SEMA5A: variants seen among roughly 807,000 people sequenced by gnomAD.
SEMA5A encodes semaphorin 5A, also known as semaphorin-5A.
A neutral mutation model predicts 135.5 loss-of-function variants in SEMA5A; 55 were observed. The ratio of observed to expected loss-of-function variants is 0.41; its 90% CI spans 0.33 to 0.51. SEMA5A has a LOEUF of 0.51. Ranked by LOEUF, SEMA5A falls within the 20% of genes least tolerant of loss-of-function variation. SEMA5A has a pLI of 0.37. For synonymous variants in SEMA5A, 580 were observed against 546.5 expected (o/e 1.06, Z -0.85); for missense variants, 1,290 against 1,419.9 (o/e 0.91, Z 1.47).
chr5:9,075,851 C>G (rs1339456175), intron 16 of SEMA5A, among the ~76,000 whole-genome samples: 1 of 152,098 alleles, frequency 6.6e-6, no homozygotes, highest in East Asian at 1.9e-4. Context: ...AGGTACAAAA[C>G]TGTATGGTCT....
chr5:9,257,654 A>G (rs1749148420), intron 5 of SEMA5A, among the ~76,000 whole-genome samples: 3 of 152,182 alleles, frequency 2.0e-5, no homozygotes, highest in African/African-American at 7.2e-5. Flanking sequence ...AATGTTTAAA[A>G]TAGATGACGT....
intron 11 of SEMA5A, among the ~76,000 whole-genome samples, chr5:9,167,464 C>G (rs550441505): frequency 6.6e-6 from 1 of 152,298 alleles, no homozygotes; most frequent in South Asian, 2.1e-4. Context: ...GTCAATATGA[C>G]TATCCTACTG....
intron 2 of SEMA5A, among the ~76,000 whole-genome samples, chr5:9,412,490 C>CTT (rs34854075): frequency 0.018 from 1,814 of 102,970 alleles, 54 homozygotes; most frequent in African/African-American, 0.064. Context: ...TACTTCATTG[C>CTT]TTTTTTTTTT....
Position 9,154,137 on chromosome 5 carries a change from G to A in SEMA5A, c.1481+351C>T, listed in dbSNP as rs1482290226. Among the ~76,000 whole-genome samples, 5 of 139,968 alleles carry A rather than the reference G, an allele frequency of 3.6e-5. No homozygotes were observed. In the East Asian group the frequency reaches 6.3e-4, roughly 18 times the overall value. 91.8% of individuals were successfully genotyped at this position (139,968 alleles called of 152,430 possible). On this transcript the variant is annotated intron_variant, in intron 12 of 22. Transcript: ENST00000382496. ...TGTGTATGTATGTATGTGTGTGTGT[G>A]TATATATATATACATATATATAAGC... is the stretch of plus-strand genomic sequence containing the variant.
rs1249852208 is a variant in SEMA5A at position 9,256,882 on chromosome 5, T to C, written c.271-18992A>G. Among the ~76,000 whole-genome samples the C allele has an allele frequency of 4.6e-5, 7 of 152,374 alleles. 1 individual carries two copies. The South Asian group carries it at 1.0e-3, about 23-fold the overall frequency. On this transcript the variant is annotated intron_variant, in intron 5 of 22. Coordinates refer to ENST00000382496, the MANE Select transcript of SEMA5A (RefSeq NM_003966.3). ...GGTTTTAAGAGTATAAGTTCAAGAT[T>C]AGCATGAAGAGTGAAAAAATCAGTT... is the stretch of plus-strand genomic sequence containing the variant.
At chr5:9,178,044 T>C (rs1207549396) in intron 11 of SEMA5A, among the ~76,000 whole-genome samples, 1 of 152,192 alleles carries the variant, frequency 6.6e-6, no homozygotes, top group Non-Finnish European at 1.5e-5. Context: ...ACAAAATTGA[T>C]GTCTCATGGT....
chr5:9,120,420 A>G (rs1740750562), intron 14 of SEMA5A, among the ~76,000 whole-genome samples: 1 of 152,074 alleles, frequency 6.6e-6, no homozygotes, highest in African/African-American at 2.4e-5. Flanking sequence ...ATGTTTTCCT[A>G]CTTTACTGAA....
intron 3 of SEMA5A, among the ~76,000 whole-genome samples, chr5:9,345,388 C>G (rs1236672836): frequency 6.6e-6 from 1 of 152,168 alleles, no homozygotes; most frequent in African/African-American, 2.4e-5. Context: ...TGGTCACCAG[C>G]TGCCTCCCCA....
intron 13 of SEMA5A, among the ~76,000 whole-genome samples, chr5:9,123,555 G>A (rs1040655067): frequency 6.6e-6 from 1 of 152,074 alleles, no homozygotes; most frequent in African/African-American, 2.4e-5. Flanking sequence ...TCAAGTTATG[G>A]ACAAATTGTC....
chr5:9,172,277 T>C (rs1743967639), intron 11 of SEMA5A, among the ~76,000 whole-genome samples: 1 of 152,202 alleles, frequency 6.6e-6, no homozygotes, highest in South Asian at 2.1e-4. Context: ...TGATTTCTAA[T>C]TGAAGGAAGA....
At chr5:9,206,212 C>T (rs1746005917) in intron 8 of SEMA5A, among the ~76,000 whole-genome samples, 2 of 152,122 alleles carry the variant, frequency 1.3e-5, no homozygotes, top group Non-Finnish European at 2.9e-5. Flanking sequence ...ATGTTGCTAA[C>T]TAAATCACAG....
chr5:9,474,451 C>A (rs191526140), intron 1 of SEMA5A, among the ~76,000 whole-genome samples: 1 of 149,206 alleles, frequency 6.7e-6, no homozygotes, highest in Non-Finnish European at 1.5e-5. Flanking sequence ...TTGAAAAAGA[C>A]GCAAGAGTAA....
At chr5:9,136,455 T>C (rs1741753611) in intron 13 of SEMA5A, 49 bp downstream of exon 13, 1 of 1,451,506 alleles carries the variant, frequency 6.9e-7, no homozygotes, top group Non-Finnish European at 9.7e-7. Context: ...CAGGGGAGCA[T>C]GGCTCCCATG....
intron 13 of SEMA5A, among the ~76,000 whole-genome samples, chr5:9,131,260 G>A (rs1179565582): frequency 2.6e-5 from 4 of 152,142 alleles, no homozygotes; most frequent in Middle Eastern, 3.2e-3. Context: ...GGTGAAAGGG[G>A]AGCAGATGTG....
intron 1 of SEMA5A, among the ~76,000 whole-genome samples, chr5:9,477,042 T>A (rs930381406): frequency 2.0e-5 from 3 of 152,112 alleles, no homozygotes; most frequent in Non-Finnish European, 4.4e-5. Flanking sequence ...GATGATTGGA[T>A]CCTGGGAACA....
chr5:9,286,358 A>C (rs1403728016), intron 5 of SEMA5A, among the ~76,000 whole-genome samples: 1 of 152,154 alleles, frequency 6.6e-6, no homozygotes, highest in Non-Finnish European at 1.5e-5. Context: ...AATTTTTAAA[A>C]TTTATATTAT....
At chr5:9,340,285 T>A (rs746218432) in intron 3 of SEMA5A, among the ~76,000 whole-genome samples, 4 of 152,080 alleles carry the variant, frequency 2.6e-5, no homozygotes, top group Non-Finnish European at 5.9e-5. Context: ...TCACCACAAC[T>A]CACAGCCCCC....
At chr5:9,229,999 T>G (rs1392770857) in intron 6 of SEMA5A, among the ~76,000 whole-genome samples, 2 of 152,088 alleles carry the variant, frequency 1.3e-5, no homozygotes, top group African/African-American at 2.4e-5. Flanking sequence ...TGTTTTTGTT[T>G]TTTGAGACAA....
intron 5 of SEMA5A, among the ~76,000 whole-genome samples, chr5:9,312,034 T>C (rs1174542228): frequency 6.6e-6 from 1 of 152,176 alleles, no homozygotes; most frequent in African/African-American, 2.4e-5. Context: ...TGAGGTTAAA[T>C]GAGCTCCAGC....
Sources: gnomAD v4.1 joint callset for allele counts (sites outside exome capture counted in the v4.1 genomes callset) on GRCh38, gnomAD v4.1.1 for gene constraint, MANE v1.5 for transcripts, NCBI Gene and HGNC (gene_info 2026-07-23, HGNC 2026-07-21) for gene names.